The following BCKDHB variants were observed in gnomAD, a reference collection of about 807,000 sequenced individuals.
BCKDHB encodes 2-oxoisovalerate dehydrogenase subunit beta, mitochondrial.
A neutral mutation model predicts 48.5 loss-of-function variants in BCKDHB; 41 were observed. The ratio of observed to expected loss-of-function variants is 0.85; its 90% CI spans 0.66 to 1.10. BCKDHB has a LOEUF of 1.10. Among genes scored for constraint, BCKDHB ranks in the 50% least tolerant of loss-of-function variants. BCKDHB has a pLI of 0.00. For synonymous variants in BCKDHB, 201 were observed against 174.8 expected (o/e 1.15, Z -1.18); for missense variants, 496 against 494.2 (o/e 1.00, Z -0.03).
chr6:80,273,075 A>G, intron 8 of BCKDHB, 60 bp from the exon 9 acceptor site: 3 of 1,267,130 alleles, frequency 2.4e-6, no homozygotes, highest in African/African-American at 1.5e-5. Flanking sequence ...ATTTAAAACT[A>G]CCATCATATA....
At chr6:80,409,413 A>C in the BCKDHB span, among the ~76,000 whole-genome samples, 1 of 151,296 alleles carries the variant, frequency 6.6e-6, no homozygotes. Context: ...TGCAGAGCTG[A>C]GTTCAAATCT....
At chr6:80,263,977 T>C (rs1458228885) in intron 8 of BCKDHB, among the ~76,000 whole-genome samples, 1 of 152,206 alleles carries the variant, frequency 6.6e-6, no homozygotes, top group East Asian at 1.9e-4. Context: ...AGGATATTAG[T>C]AATTGTTGTT....
At chr6:80,243,589 G>A (rs1229147637) in intron 8 of BCKDHB, among the ~76,000 whole-genome samples, 1 of 152,146 alleles carries the variant, frequency 6.6e-6, no homozygotes, top group Admixed American at 6.5e-5. Context: ...CTGGAGTGCA[G>A]TGGTGTGATC....
intron 8 of BCKDHB, among the ~76,000 whole-genome samples, chr6:80,266,573 C>T (rs1057514211): frequency 9.2e-5 from 14 of 151,974 alleles, no homozygotes; most frequent in Admixed American, 2.6e-4. Context: ...GTATTTGTTA[C>T]CATCATGCAT....
At chr6:80,168,725 A>G (rs1300034165) in intron 4 of BCKDHB, 150 bp from the exon 5 acceptor site, 5 of 828,748 alleles carry the variant, frequency 6.0e-6, no homozygotes, top group Non-Finnish European at 7.7e-6. Flanking sequence ...GAAGGAAGGA[A>G]GGAAGAGGGG....
chr6:80,393,740 C>A, the BCKDHB span, among the ~76,000 whole-genome samples: 1 of 152,198 alleles, frequency 6.6e-6, no homozygotes, highest in African/African-American at 2.4e-5. Flanking sequence ...GATTTTGATT[C>A]ACTAATATGC....
At chr6:80,324,061 C>T (rs1453078027) in intron 9 of BCKDHB, among the ~76,000 whole-genome samples, 2 of 152,140 alleles carry the variant, frequency 1.3e-5, no homozygotes, top group Admixed American at 6.5e-5. Flanking sequence ...CGTGAGCCAC[C>T]GTGCCCGGCC....
chr6:80,156,968 AGTTTT>A (rs1423379315), intron 3 of BCKDHB, among the ~76,000 whole-genome samples: 1 of 152,056 alleles, frequency 6.6e-6, no homozygotes. Context: ...ATAAATGCTA[AGTTTT>A]GTTTTGTATG....
intron 8 of BCKDHB, among the ~76,000 whole-genome samples, chr6:80,260,004 A>G (rs1777225834): frequency 6.6e-6 from 1 of 152,032 alleles, no homozygotes; most frequent in Admixed American, 6.6e-5. Flanking sequence ...CCTATTTTGT[A>G]TTGGTCCTGA....
intron 6 of BCKDHB, among the ~76,000 whole-genome samples, chr6:80,195,832 C>G (rs1244646231): frequency 6.6e-6 from 1 of 152,114 alleles, no homozygotes; most frequent in African/African-American, 2.4e-5. Context: ...TTTTAACAAA[C>G]CAGACAGGCT....
the BCKDHB span, among the ~76,000 whole-genome samples, chr6:80,360,343 A>C: frequency 6.6e-6 from 1 of 152,188 alleles, no homozygotes; most frequent in African/African-American, 2.4e-5. Flanking sequence ...CATCATTGTC[A>C]TTATTCGTTG....
At chr6:80,164,641 A>G (rs1772483536) in intron 3 of BCKDHB, among the ~76,000 whole-genome samples, 1 of 152,226 alleles carries the variant, frequency 6.6e-6, no homozygotes, top group Non-Finnish European at 1.5e-5. Context: ...GTTTAAAAAC[A>G]TTTGTTGAAT....
chr6:80,186,507 G>A (rs570603404), intron 6 of BCKDHB, among the ~76,000 whole-genome samples: 1 of 152,324 alleles, frequency 6.6e-6, no homozygotes, highest in South Asian at 2.1e-4. Flanking sequence ...GAGAAAACAA[G>A]CAGGGCTCTC....
At chr6:80,287,475 T>C (rs1373192281) in intron 9 of BCKDHB, among the ~76,000 whole-genome samples, 1 of 151,894 alleles carries the variant, frequency 6.6e-6, no homozygotes, top group Non-Finnish European at 1.5e-5. Flanking sequence ...GTGATTTTTT[T>C]TTTTAATGTA....
intron 8 of BCKDHB, among the ~76,000 whole-genome samples, chr6:80,272,631 G>T (rs1314667275): frequency 6.6e-6 from 1 of 152,074 alleles, no homozygotes; most frequent in African/African-American, 2.4e-5. Flanking sequence ...AACGAAGGAG[G>T]TTTACTTTTG....
intron 8 of BCKDHB, among the ~76,000 whole-genome samples, chr6:80,210,578 C>G (rs998741236): frequency 1.3e-5 from 2 of 152,004 alleles, no homozygotes; most frequent in African/African-American, 4.8e-5. Context: ...TAAACTTGAA[C>G]AAAATTTTTA....
chr6:80,282,602 A>T (rs1674491919), intron 9 of BCKDHB, among the ~76,000 whole-genome samples: 1 of 152,136 alleles, frequency 6.6e-6, no homozygotes, highest in Non-Finnish European at 1.5e-5. Flanking sequence ...ATAACATTGT[A>T]ATATTTGCAT....
intron 9 of BCKDHB, among the ~76,000 whole-genome samples, chr6:80,332,706 T>TAAAAAAAAAAA (rs201659861): frequency 7.2e-6 from 1 of 139,444 alleles, no homozygotes. Context: ...ACCCTTATAG[T>TAAAAAAAAAAA]AAAAAAAAAA....
the BCKDHB span, among the ~76,000 whole-genome samples, chr6:80,401,481 T>C: frequency 6.6e-6 from 1 of 151,840 alleles, no homozygotes; most frequent in Non-Finnish European, 1.5e-5. Context: ...GTGTCCTCAC[T>C]GAAATCTCAT....
Sources: gnomAD v4.1 joint callset for allele counts (sites outside exome capture counted in the v4.1 genomes callset) on GRCh38, gnomAD v4.1.1 for gene constraint, MANE v1.5 for transcripts, NCBI Gene and HGNC (gene_info 2026-07-23, HGNC 2026-07-21) for gene names.